Variants in CADM2 observed in about 807,000 individuals in gnomAD.
CADM2 encodes the protein cell adhesion molecule 2, also known as immunoglobulin superfamily member 4D.
CADM2 carries 12 observed loss-of-function variants against 49.8 expected under a neutral mutation model. That is an observed-to-expected ratio of 0.24 (90% CI 0.15 to 0.39). CADM2 has a LOEUF of 0.39. Ranked by LOEUF, CADM2 falls within the 10% of genes least tolerant of loss-of-function variation. CADM2 has a pLI of 1.00. For missense variants in CADM2, 378 were observed against 492.3 expected, an observed-to-expected ratio of 0.77 and a Z score of 2.20; for synonymous variants, 214 against 175.4, an observed-to-expected ratio of 1.22 and a Z score of -1.74.
At chr3:85,271,661 T>C (rs1052013138) in intron 1 of CADM2, among the ~76,000 whole-genome samples, 9 of 151,032 alleles carry the variant, frequency 6.0e-5, no homozygotes, top group African/African-American at 1.9e-4. Flanking sequence ...GAATAGCACA[T>C]ACAGTAACTC....
chr3:85,502,854 T>A (rs990101158), intron 1 of CADM2, among the ~76,000 whole-genome samples: 3 of 152,160 alleles, frequency 2.0e-5, no homozygotes, highest in African/African-American at 7.2e-5. Flanking sequence ...TCAATTACTG[T>A]TTATGTCAAC....
At chr3:85,390,543 T>A (rs938010264) in intron 1 of CADM2, among the ~76,000 whole-genome samples, 2 of 152,030 alleles carry the variant, frequency 1.3e-5, no homozygotes, top group African/African-American at 4.8e-5. Context: ...GTCAGGCCTG[T>A]ATCCAATGTC....
intron 1 of CADM2, among the ~76,000 whole-genome samples, chr3:85,668,671 C>T (rs941070329): frequency 9.2e-5 from 14 of 152,104 alleles, no homozygotes; most frequent in Non-Finnish European, 1.9e-4. Flanking sequence ...TTCCTCCTTG[C>T]CTTCTGCCAT....
intron 1 of CADM2, among the ~76,000 whole-genome samples, chr3:85,412,347 T>C (rs1448207865): frequency 1.3e-5 from 2 of 152,180 alleles, no homozygotes; most frequent in Non-Finnish European, 2.9e-5. Flanking sequence ...TTATAATAAT[T>C]AGTTCTATTG....
At chr3:86,003,469 C>T (rs563112267) in intron 8 of CADM2, among the ~76,000 whole-genome samples, 7 of 152,270 alleles carry the variant, frequency 4.6e-5, no homozygotes, top group African/African-American at 7.2e-5. Flanking sequence ...GTTCTTGACA[C>T]GTCTATAAAT....
intron 7 of CADM2, among the ~76,000 whole-genome samples, chr3:85,952,834 C>G (rs1187062628): frequency 6.6e-6 from 1 of 150,824 alleles, no homozygotes; most frequent in Non-Finnish European, 1.5e-5. Context: ...TATATGGCCT[C>G]TTTATTGGAT....
intron 8 of CADM2, among the ~76,000 whole-genome samples, chr3:86,040,687 A>G (rs1388885100): frequency 6.6e-6 from 1 of 152,236 alleles, no homozygotes. Context: ...AACTTCCCCA[A>G]TCTAGCAAGA....
chr3:85,727,448 C>A (rs2067748604), intron 2 of CADM2, among the ~76,000 whole-genome samples: 1 of 152,028 alleles, frequency 6.6e-6, no homozygotes, highest in African/African-American at 2.4e-5. Context: ...GAGGAGATGG[C>A]AAATTTATTG....
chr3:85,535,016 G>A (rs946535936), intron 1 of CADM2, among the ~76,000 whole-genome samples: 3 of 152,054 alleles, frequency 2.0e-5, no homozygotes, highest in Admixed American at 6.6e-5. Context: ...AAATATTTAC[G>A]TGCTCTTTTC....
chr3:85,401,886 G>A (rs1352360955), intron 1 of CADM2, among the ~76,000 whole-genome samples: 2 of 152,060 alleles, frequency 1.3e-5, no homozygotes, highest in Non-Finnish European at 2.9e-5. Context: ...ACCACTGCAA[G>A]ATGTTTGCCT....
At chr3:85,968,567 C>G (rs768505708) in intron 8 of CADM2, among the ~76,000 whole-genome samples, 2 of 151,522 alleles carry the variant, frequency 1.3e-5, no homozygotes, top group Non-Finnish European at 3.0e-5. Flanking sequence ...CCTTCTATCA[C>G]TAAACAATTT....
At chr3:85,576,375 C>T (rs1229946821) in intron 1 of CADM2, among the ~76,000 whole-genome samples, 1 of 152,100 alleles carries the variant, frequency 6.6e-6, no homozygotes, top group Non-Finnish European at 1.5e-5. Context: ...GAACAAAGAA[C>T]ATCCGACGAT....
At chr3:85,960,593 T>G (rs998119504) in intron 7 of CADM2, among the ~76,000 whole-genome samples, 1 of 152,078 alleles carries the variant, frequency 6.6e-6, no homozygotes, top group Admixed American at 6.6e-5. Flanking sequence ...AGAAAATAAA[T>G]GTAAATTACC....
chr3:85,565,701 C>T (rs1003630281), intron 1 of CADM2, among the ~76,000 whole-genome samples: 2 of 151,978 alleles, frequency 1.3e-5, no homozygotes, highest in African/African-American at 4.8e-5. Context: ...TTCCATCAGT[C>T]TTTTCTAAGC....
At chr3:84,988,983 A>G (rs1007589524) in intron 1 of CADM2, among the ~76,000 whole-genome samples, 3 of 152,264 alleles carry the variant, frequency 2.0e-5, no homozygotes, top group South Asian at 2.1e-4. Context: ...GTTTTGGGGA[A>G]TAGATGGGAA....
At chr3:85,737,095 A>C (rs1192604278) in intron 2 of CADM2, among the ~76,000 whole-genome samples, 2 of 152,228 alleles carry the variant, frequency 1.3e-5, no homozygotes, top group African/African-American at 4.8e-5. Flanking sequence ...ACCAACAAGC[A>C]GACACCTAGA....
chr3:85,845,370 TC>T (rs2074835723), intron 3 of CADM2, among the ~76,000 whole-genome samples: 1 of 152,012 alleles, frequency 6.6e-6, no homozygotes, highest in Non-Finnish European at 1.5e-5. Context: ...GGGGAAGGTC[TC>T]CCTCCGGAGA....
At chr3:85,907,137 C>A (rs941203071) in intron 5 of CADM2, among the ~76,000 whole-genome samples, 3 of 152,146 alleles carry the variant, frequency 2.0e-5, no homozygotes, top group Admixed American at 2.0e-4. Context: ...TCATGTAATG[C>A]GTATATTTTC....
Position 85,259,532 on chromosome 3 carries a change from A to T in CADM2, c.61+299864A>T, listed in dbSNP as rs148267642. Among the ~76,000 whole-genome samples, 836 of 152,206 alleles carry T rather than the reference A, an allele frequency of 5.5e-3. 5 individuals carry two copies. Among genetic ancestry groups the T allele is most frequent in the African/African-American group, 0.019 (794 of 41,540 alleles). On this transcript the variant is annotated intron_variant, in intron 1 of 9. Transcript: ENST00000383699. ...AAAATATGGAAATGATGCCTTCAGTAGTTTTCAGTTTTATTTTCCTTTAAA... is the reference window on the plus strand; with the variant it reads ...AAAATATGGAAATGATGCCTTCAGTTGTTTTCAGTTTTATTTTCCTTTAAA...
Sources: gnomAD v4.1 joint callset for allele counts (sites outside exome capture counted in the v4.1 genomes callset) on GRCh38, gnomAD v4.1.1 for gene constraint, MANE v1.5 for transcripts, NCBI Gene and HGNC (gene_info 2026-07-23, HGNC 2026-07-21) for gene names.